Variants in ATP11A observed in about 807,000 individuals in gnomAD.
ATP11A encodes phospholipid-transporting ATPase IH.
Under a neutral mutation model 154.4 loss-of-function variants are expected in ATP11A, and 81 were observed. That is an observed-to-expected ratio of 0.52 (90% CI 0.44 to 0.63). ATP11A has a LOEUF of 0.63. Among genes scored for constraint, ATP11A ranks in the 30% least tolerant of loss-of-function variants. The pLI, the probability that ATP11A is intolerant of heterozygous loss-of-function variation, is 0.00. For missense variants in ATP11A, 1,316 were observed against 1,474.3 expected (o/e 0.89, Z 1.76); for synonymous variants, 623 against 585.9 (o/e 1.06, Z -0.91).
At chr13:112,829,825 C>G (rs768297206) in intron 12 of ATP11A, among the ~76,000 whole-genome samples, 3 of 152,204 alleles carry the variant, frequency 2.0e-5, no homozygotes, top group Non-Finnish European at 4.4e-5. Context: ...TAGAACTAAT[C>G]AACAAATTCA....
intron 15 of ATP11A, 128 bp from the exon 16 acceptor site, chr13:112,836,050 C>A: frequency 1.7e-6 from 1 of 597,524 alleles, no homozygotes. Context: ...CCCAGCAGCC[C>A]TCTGTGTGTC....
rs1885778663 is a variant in ATP11A at position 112,696,190 on chromosome 13, C to T, written c.39+5735C>T. On this transcript the variant is annotated intron_variant, in intron 1 of 29. Coordinates refer to ENST00000375645, the MANE Select transcript of ATP11A (RefSeq NM_015205.3). This position sits in a 1 kb window ranked among gnomAD's most constrained non-coding sequence, Gnocchi z 6.2. ...CGGGACAGGTCACGGCGCTCGTGCA[C>T]GCTGGGTGCCCAGTGCACGGGGCGT... Among the ~76,000 whole-genome samples, 1 of 152,164 alleles carries T rather than the reference C, an allele frequency of 6.6e-6. No individual in the cohort carries two copies. The highest frequency in any genetic ancestry group is 1.5e-5 in the Non-Finnish European group (1 of 68,042).
rs1044830859 is a variant in ATP11A at position 112,703,106 on chromosome 13, C to T, written c.39+12651C>T. 3.3e-5 allele frequency among the ~76,000 whole-genome samples: 5 copies of T among 152,198 alleles called. No individual in the cohort carries two copies. In the South Asian group the frequency reaches 8.3e-4, roughly 25 times the overall value. On this transcript the variant is annotated intron_variant, in intron 1 of 29. Transcript: ENST00000375645. ...CTGCCTGTGTTTCAGAGAGCTCAGCCGCTGTTACAGAATACTGCAGGCTGC... is the reference window on the plus strand; with the variant it reads ...CTGCCTGTGTTTCAGAGAGCTCAGCTGCTGTTACAGAATACTGCAGGCTGC...
In ATP11A at chr13:112,884,823, C is replaced by T. The variant is rs1426052148; in HGVS notation, c.*2957C>T. On this transcript the variant is annotated 3_prime_UTR_variant, in exon 30 of 30. Transcript: ENST00000375645. Reference sequence around the variant, plus strand: ...TTCACACCCAGTCCCTGCCACAGACCGTCTCAGACACGCACAGTGGGCCTG... The same window carrying T: ...TTCACACCCAGTCCCTGCCACAGACTGTCTCAGACACGCACAGTGGGCCTG... 3 of 150,836 alleles carry T rather than the reference C, an allele frequency of 2.0e-5. No homozygotes were observed. The highest frequency in any genetic ancestry group is 4.4e-5 in the Non-Finnish European group (3 of 67,600). 9.3% of individuals were successfully genotyped at this position (150,836 alleles called of 1,614,324 possible). A position where few individuals can be genotyped will look rare whatever the true frequency, so the allele number is the denominator to read the frequency against.
At chr13:112,808,010 A>G (rs2078370809) in intron 4 of ATP11A, among the ~76,000 whole-genome samples, 1 of 152,098 alleles carries the variant, frequency 6.6e-6, no homozygotes, top group South Asian at 2.1e-4. Context: ...TGAGATCTCC[A>G]GGAGTGTCCT....
chr13:112,826,992 C>G (rs2078950922), intron 12 of ATP11A, 101 bp downstream of exon 12: 2 of 1,211,098 alleles, frequency 1.7e-6, no homozygotes, highest in African/African-American at 1.5e-5. Flanking sequence ...GTGGCTGTAC[C>G]TGTAGCTGGC....
At chr13:112,765,478 T>G (rs568046553) in intron 1 of ATP11A, among the ~76,000 whole-genome samples, 1 of 152,366 alleles carries the variant, frequency 6.6e-6, no homozygotes, top group South Asian at 2.1e-4. Context: ...CCACTCCACG[T>G]TCTTCTGAGC....
intron 2 of ATP11A, among the ~76,000 whole-genome samples, chr13:112,791,694 C>T (rs367903245): frequency 4.6e-5 from 7 of 152,122 alleles, no homozygotes; most frequent in Non-Finnish European, 8.8e-5. Flanking sequence ...GGCTTCGCTC[C>T]GCCTGGCCCT....
Position 112,748,499 on chromosome 13 carries a change from G to T in ATP11A, c.40-36636G>T, listed in dbSNP as rs574079289. Among the ~76,000 whole-genome samples the T allele has an allele frequency of 5.8e-4, 89 of 152,210 alleles. No individual in the cohort carries two copies. In the South Asian group the frequency reaches 0.018, roughly 30 times the overall value. Reference sequence around the variant, plus strand: ...TCCCATCTCAGCCTCCAGAGTAGCTGAGACTGTAGGTATGCGCTCCCACAC... The same window carrying T: ...TCCCATCTCAGCCTCCAGAGTAGCTTAGACTGTAGGTATGCGCTCCCACAC... On this transcript the variant is annotated intron_variant, in intron 1 of 29. Coordinates refer to ENST00000375645, the MANE Select transcript of ATP11A (RefSeq NM_015205.3).
At chr13:112,776,176 C>T (rs1478446504) in intron 1 of ATP11A, among the ~76,000 whole-genome samples, 1 of 152,174 alleles carries the variant, frequency 6.6e-6, no homozygotes, top group Non-Finnish European at 1.5e-5. Flanking sequence ...CAAGTGAGCC[C>T]GTCTGCATGA....
chr13:112,815,302 GAC>G (rs2140179709), intron 5 of ATP11A, among the ~76,000 whole-genome samples: 1 of 150,342 alleles, frequency 6.7e-6, no homozygotes, highest in Non-Finnish European at 1.5e-5. Flanking sequence ...ACACCCTTCA[GAC>G]ACACAGTCCA....
At chr13:112,847,813 C>T (rs1440728031) in intron 17 of ATP11A, among the ~76,000 whole-genome samples, 1 of 152,144 alleles carries the variant, frequency 6.6e-6, no homozygotes, top group African/African-American at 2.4e-5. Context: ...GGGCCAGGTA[C>T]GGTGGCTCAT....
chr13:112,758,848 C>T (rs1268736262), intron 1 of ATP11A, among the ~76,000 whole-genome samples: 1 of 152,218 alleles, frequency 6.6e-6, no homozygotes, highest in Non-Finnish European at 1.5e-5. Flanking sequence ...GGTTCATTAC[C>T]GTGGGGTGTG....
chr13:112,811,449 A>G (rs1472925993), intron 5 of ATP11A: 2 of 152,166 alleles, frequency 1.3e-5, no homozygotes, highest in Non-Finnish European at 2.9e-5. Context: ...GAACACACGA[A>G]CCAATCAAGA....
chr13:112,803,404 C>T (rs577643188), intron 2 of ATP11A, among the ~76,000 whole-genome samples: 1 of 152,294 alleles, frequency 6.6e-6, no homozygotes, highest in South Asian at 2.1e-4. Flanking sequence ...AGCCAGAACC[C>T]ACCTTCGAAT....
chr13:112,833,664 C>T (rs2079156054), intron 14 of ATP11A, among the ~76,000 whole-genome samples: 2 of 152,172 alleles, frequency 1.3e-5, no homozygotes, highest in Admixed American at 1.3e-4. Context: ...GTTTTTGTCG[C>T]TGCTAAACTA....
At chr13:112,824,208 A>G in intron 9 of ATP11A, 136 bp from the exon 10 acceptor site, 1 of 682,344 alleles carries the variant, frequency 1.5e-6, no homozygotes, top group South Asian at 1.7e-5. Context: ...TTATGTGGCT[A>G]TGGACACTAG....
At chr13:112,845,618 G>GCAC (rs1467958460) in intron 17 of ATP11A, among the ~76,000 whole-genome samples, 4 of 123,090 alleles carry the variant, frequency 3.2e-5, no homozygotes, top group African/African-American at 1.5e-4. Context: ...GGCACTAGCG[G>GCAC]TACTAACCAG....
chr13:112,771,025 T>C (rs1038732247), intron 1 of ATP11A, among the ~76,000 whole-genome samples: 3 of 152,224 alleles, frequency 2.0e-5, no homozygotes, highest in Admixed American at 6.5e-5. Flanking sequence ...GTAATTCAGC[T>C]AATAGGTTTT....
Sources: gnomAD v4.1 joint callset for allele counts (sites outside exome capture counted in the v4.1 genomes callset) on GRCh38, gnomAD v4.1.1 for gene constraint, Gnocchi (gnomAD v3.1) non-coding constraint, MANE v1.5 for transcripts, NCBI Gene and HGNC (gene_info 2026-07-23, HGNC 2026-07-21) for gene names.